Variants in SERPINF1 observed in about 807,000 individuals in gnomAD.
SERPINF1 encodes serpin family F member 1, also known as pigment epithelium-derived factor.
Under a neutral mutation model 37.3 loss-of-function variants are expected in SERPINF1, and 29 were observed. That is an observed-to-expected ratio of 0.78 (90% confidence interval 0.58 to 1.06). SERPINF1 has a LOEUF of 1.06. SERPINF1 is among the 50% of genes least tolerant of loss of function. The probability of loss-of-function intolerance (pLI) is 0.00; values close to 1 mark genes in which losing one functional copy is unlikely to be tolerated. For synonymous variants in SERPINF1, 281 were observed against 227.9 expected, an observed-to-expected ratio of 1.23 and a Z score of -2.10; for missense variants, 553 against 532.2, an observed-to-expected ratio of 1.04 and a Z score of -0.38.
At chr17:1,766,447 T>C (rs142938734) in intron 1 of SERPINF1, 3,626 of 152,168 alleles carry the variant, frequency 0.024, 153 homozygotes, top group African/African-American at 0.084. Context: ...TTCCAGCTAC[T>C]TGGGAGGCTG....
chr17:1,771,885 A>G lies in SERPINF1; in HGVS notation c.453A>G (p.Lys151=), dbSNP rs1199904576. 6.2e-7 allele frequency: 1 copy of G among 1,613,068 alleles called. No homozygotes were observed. Among genetic ancestry groups the G allele is most frequent in the South Asian group, 1.1e-5 (1 of 91,070 alleles). ...RIVFEKKLRI[K]SSFVAPLEKS... ...GCCTCTTCTCAGAGCTGCGCATAAA[A>G]TCCAGCTTTGTGGCACCTCTGGAAA... Residue 151 remains lysine (K), a synonymous_variant, in exon 5 of 8, where the codon AAA becomes AAG. Transcript: ENST00000254722.
At chr17:1,775,020 C>A in intron 5 of SERPINF1, 38 bp from the exon 6 acceptor site, 2 of 1,613,870 alleles carry the variant, frequency 1.2e-6, no homozygotes, top group East Asian at 2.2e-5. Context: ...TCTTTCTGGT[C>A]TCCTGGGGCT....
chr17:1,769,205 C>T (rs940913792), intron 2 of SERPINF1, among the ~76,000 whole-genome samples: 2 of 150,416 alleles, frequency 1.3e-5, no homozygotes, highest in East Asian at 2.0e-4. Flanking sequence ...GTCAGGAGAT[C>T]GAGACCATCC....
intron 1 of SERPINF1, chr17:1,763,003 T>G (rs1907176115): frequency 6.6e-6 from 1 of 152,298 alleles, no homozygotes; most frequent in African/African-American, 2.4e-5. Context: ...GGGAGTCCTA[T>G]TCTTGGGGCT....
chr17:1,775,547 C>CT (rs148801713), intron 6 of SERPINF1, among the ~76,000 whole-genome samples: 6,513 of 142,902 alleles, frequency 0.046, 179 homozygotes, highest in Non-Finnish European at 0.059. Flanking sequence ...TCGTTGGCAT[C>CT]TTTTTTTTTT....
rs565464856 is a variant in SERPINF1, at chr17:1,777,284, C to G, written c.1095C>G (p.Asn365Lys). Residue 365 changes from asparagine (N) to lysine (K), a missense_variant, in exon 8 of 8, where the codon AAC becomes AAG. Transcript: ENST00000254722. ...AACACCGGGCTGGCTTTGAGTGGAA[C>G]GAGGATGGGGCGGGAACCACCCCCA... ...QVEHRAGFEW[N>K]EDGAGTTPSP... The G allele has an allele frequency of 6.8e-6, 11 of 1,613,938 alleles. No individual in the cohort carries two copies. The highest frequency in any genetic ancestry group is 5.3e-5 in the African/African-American group (4 of 74,890).
chr17:1,772,192 A>G (rs967145250), intron 5 of SERPINF1, 117 bp downstream of exon 5: 11 of 1,094,236 alleles, frequency 1.0e-5, no homozygotes, highest in Admixed American at 8.3e-5. Context: ...TCTCAGCTCA[A>G]TGCAACCTCC....
chr17:1,770,396 A>G, intron 3 of SERPINF1: 1 of 410,424 alleles, frequency 2.4e-6, no homozygotes, highest in Admixed American at 3.9e-5. Flanking sequence ...GCTTGCCCTC[A>G]CCGAGGACAC....
chr17:1,766,593 T>TAAAC (rs1163160527), intron 1 of SERPINF1: 2 of 169,920 alleles, frequency 1.2e-5, no homozygotes, highest in African/African-American at 4.8e-5. Flanking sequence ...AATAAATAAA[T>TAAAC]AAATAAAAGC....
chr17:1,776,957 G>C (rs1167518405), intron 7 of SERPINF1, among the ~76,000 whole-genome samples: 1 of 151,078 alleles, frequency 6.6e-6, no homozygotes, highest in Non-Finnish European at 1.5e-5. Flanking sequence ...CCTGACAGGC[G>C]CTCACAACAC....
At chr17:1,775,303 C>A (rs1360743371) in intron 6 of SERPINF1, 103 bp downstream of exon 6, 12 of 1,199,712 alleles carry the variant, frequency 1.0e-5, no homozygotes, top group Non-Finnish European at 1.4e-5. Context: ...CGACAGCTGT[C>A]TACATGTCGC....
chr17:1,765,324 T>C (rs1471076051), intron 1 of SERPINF1, among the ~76,000 whole-genome samples: 2 of 150,736 alleles, frequency 1.3e-5, no homozygotes, highest in Non-Finnish European at 3.0e-5. Context: ...TTTTATTTTA[T>C]TTTATTTATT....
At chr17:1,768,556 C>T (rs867088608) in intron 2 of SERPINF1, among the ~76,000 whole-genome samples, 42 of 151,848 alleles carry the variant, frequency 2.8e-4, no homozygotes, top group African/African-American at 9.4e-4. Context: ...TCACTGCAAT[C>T]TTGGCCTCCT....
chr17:1,768,810 CTTAT>C (rs1360061692), intron 2 of SERPINF1, among the ~76,000 whole-genome samples: 2 of 149,776 alleles, frequency 1.3e-5, no homozygotes, highest in Non-Finnish European at 3.0e-5. Flanking sequence ...TTTTTATTTA[CTTAT>C]TTATTTTTTG....
intron 7 of SERPINF1, 67 bp downstream of exon 7, chr17:1,776,809 C>T: frequency 6.9e-7 from 1 of 1,456,498 alleles, no homozygotes; most frequent in Non-Finnish European, 9.6e-7. Flanking sequence ...GGGCCTTCCA[C>T]TGTGCTAAGC....
intron 2 of SERPINF1, 78 bp downstream of exon 2, chr17:1,767,072 A>AG: frequency 3.8e-6 from 5 of 1,304,324 alleles, no homozygotes; most frequent in Non-Finnish European, 5.3e-6. Context: ...CAGGACAGGG[A>AG]ACCCGGACCC....
intron 1 of SERPINF1, among the ~76,000 whole-genome samples, chr17:1,763,389 C>T (rs886427138): frequency 1.3e-5 from 2 of 152,230 alleles, no homozygotes; most frequent in Non-Finnish European, 1.5e-5. Context: ...AAGGCCTGAC[C>T]TTGGCCCAGC....
chr17:1,774,847 T>A (rs912660758), intron 5 of SERPINF1, among the ~76,000 whole-genome samples: 5 of 152,152 alleles, frequency 3.3e-5, no homozygotes, highest in African/African-American at 1.2e-4. Flanking sequence ...CATCGGAGTT[T>A]GCTGGTGAAG....
chr17:1,770,103 G>T, intron 3 of SERPINF1, 53 bp downstream of exon 3: 1 of 1,593,674 alleles, frequency 6.3e-7, no homozygotes, highest in East Asian at 2.2e-5. Flanking sequence ...GCCCCCTGTG[G>T]CCTCTGCGTA....
Sources: allele counts gnomAD v4.1 joint callset (sites outside exome capture counted in the v4.1 genomes callset), GRCh38; gene constraint gnomAD v4.1.1; transcripts MANE v1.5; gene names NCBI Gene and HGNC (gene_info 2026-07-23, HGNC 2026-07-21).